Variants in SHTN1 observed in about 807,000 individuals in gnomAD.
The protein encoded by SHTN1 is shootin-1.
A neutral mutation model predicts 83.1 loss-of-function variants in SHTN1; 42 were observed. That is an observed-to-expected ratio of 0.51 (90% CI 0.39 to 0.65). The LOEUF is 0.65. SHTN1 is among the 30% of genes least tolerant of loss of function. The pLI is 0.00. For missense variants in SHTN1, 622 were observed against 737.8 expected, an observed-to-expected ratio of 0.84 and a Z score of 1.82; for synonymous variants, 224 against 247.7, an observed-to-expected ratio of 0.90 and a Z score of 0.90.
intron 2 of SHTN1, among the ~76,000 whole-genome samples, chr10:117,033,893 G>A (rs1000129841): frequency 1.3e-5 from 2 of 150,638 alleles, no homozygotes; most frequent in African/African-American, 4.9e-5. Flanking sequence ...CAATCAATGT[G>A]ATACATCATA....
intron 1 of SHTN1, among the ~76,000 whole-genome samples, chr10:117,051,951 A>G (rs1852747151): frequency 7.0e-6 from 1 of 141,970 alleles, no homozygotes; most frequent in South Asian, 2.2e-4. Flanking sequence ...AAGTCATCCA[A>G]ATTGGAAAGG....
intron 1 of SHTN1, among the ~76,000 whole-genome samples, chr10:117,120,146 T>C (rs550227827): frequency 2.7e-4 from 41 of 151,786 alleles, no homozygotes; most frequent in African/African-American, 9.2e-4. Context: ...TAGTAAATAA[T>C]AAATTGTACA....
intron 1 of SHTN1, among the ~76,000 whole-genome samples, chr10:117,004,492 G>A (rs1248141035): frequency 1.3e-5 from 2 of 151,940 alleles, no homozygotes; most frequent in Non-Finnish European, 2.9e-5. Context: ...CTAAAATTGA[G>A]AAGTGATTAA....
chr10:117,102,577 T>C (rs1853610968), intron 1 of SHTN1, among the ~76,000 whole-genome samples: 1 of 152,058 alleles, frequency 6.6e-6, no homozygotes, highest in African/African-American at 2.4e-5. Flanking sequence ...CTTGCTTTTT[T>C]CCCCTCCAAC....
At chr10:116,982,845 C>T (rs1436978430) in intron 1 of SHTN1, among the ~76,000 whole-genome samples, 1 of 152,082 alleles carries the variant, frequency 6.6e-6, no homozygotes, top group African/African-American at 2.4e-5. Flanking sequence ...GCCTGTAATC[C>T]TAGCTACTCT....
chr10:116,992,598 T>C (rs1368783719), intron 1 of SHTN1, among the ~76,000 whole-genome samples: 1 of 152,188 alleles, frequency 6.6e-6, no homozygotes, highest in Non-Finnish European at 1.5e-5. Flanking sequence ...AAAATTTACA[T>C]TACTTCTCTA....
chr10:116,988,234 T>C (rs926232653), intron 1 of SHTN1, among the ~76,000 whole-genome samples: 19 of 151,764 alleles, frequency 1.3e-4, no homozygotes, highest in Non-Finnish European at 2.4e-4. Context: ...ATGTGAATAT[T>C]CTCTGTATTT....
intron 1 of SHTN1, among the ~76,000 whole-genome samples, chr10:117,117,906 G>A (rs1853871979): frequency 6.6e-6 from 1 of 152,094 alleles, no homozygotes; most frequent in Non-Finnish European, 1.5e-5. Flanking sequence ...ATAGATTAAA[G>A]ACTTAAGTCT....
At chr10:116,981,886 G>A (rs1331553647) in intron 1 of SHTN1, among the ~76,000 whole-genome samples, 5 of 152,008 alleles carry the variant, frequency 3.3e-5, no homozygotes, top group Admixed American at 6.6e-5. Flanking sequence ...GTGAAACACC[G>A]TCTCTACTAA....
intron 5 of SHTN1, among the ~76,000 whole-genome samples, chr10:116,953,623 G>GTTTTTTTTTTT (rs759706275): frequency 1.2e-4 from 11 of 92,722 alleles, no homozygotes; most frequent in East Asian, 7.2e-4. Context: ...TTTGTGTTTT[G>GTTTTTTTTTTT]TTTTTTTTTT....
At chr10:116,915,266 A>G in intron 13 of SHTN1, 109 bp downstream of exon 13, 4 of 681,768 alleles carry the variant, frequency 5.9e-6, no homozygotes, top group South Asian at 5.7e-5. Flanking sequence ...CATTAGCTTT[A>G]TCCTAAGATC....
At chr10:117,119,142 A>T (rs1241974716) in intron 1 of SHTN1, among the ~76,000 whole-genome samples, 1 of 152,198 alleles carries the variant, frequency 6.6e-6, no homozygotes, top group Non-Finnish European at 1.5e-5. Flanking sequence ...TCATGAAGAT[A>T]GTGAGTAGAC....
intron 1 of SHTN1, among the ~76,000 whole-genome samples, chr10:117,097,744 TAAAA>T (rs536018102): frequency 2.0e-5 from 3 of 152,130 alleles, no homozygotes; most frequent in African/African-American, 7.2e-5. Flanking sequence ...ACTACCCAAA[TAAAA>T]AAAGTTTCCA....
At chr10:117,003,231 C>T (rs553237706) in intron 1 of SHTN1, among the ~76,000 whole-genome samples, 2 of 151,442 alleles carry the variant, frequency 1.3e-5, no homozygotes, top group Non-Finnish European at 2.9e-5. Context: ...TTGGGTTGGG[C>T]GAAGGTGTAT....
intron 1 of SHTN1, among the ~76,000 whole-genome samples, chr10:117,003,880 T>G (rs190561280): frequency 4.9e-4 from 75 of 152,150 alleles, no homozygotes; most frequent in Non-Finnish European, 9.1e-4. Context: ...TCCCTTTATT[T>G]CTTTATTATT....
chr10:117,101,747 G>A (rs577954958), intron 1 of SHTN1, among the ~76,000 whole-genome samples: 70 of 152,166 alleles, frequency 4.6e-4, no homozygotes, highest in Middle Eastern at 3.4e-3. Context: ...GTTCCCGAAC[G>A]GTTGATTCAA....
intron 1 of SHTN1, among the ~76,000 whole-genome samples, chr10:117,000,463 A>G (rs1851784202): frequency 6.6e-6 from 1 of 152,212 alleles, no homozygotes; most frequent in Non-Finnish European, 1.5e-5. Flanking sequence ...AAGAGGTTTA[A>G]AATTGCTTTA....
chr10:117,057,116 C>G (rs1473321697), intron 1 of SHTN1, among the ~76,000 whole-genome samples: 1 of 152,104 alleles, frequency 6.6e-6, no homozygotes, highest in Non-Finnish European at 1.5e-5. Context: ...CATAGAAAAT[C>G]TCAAGAAATC....
chr10:116,903,398 G>A (rs745438690), intron 15 of SHTN1, among the ~76,000 whole-genome samples: 4 of 152,076 alleles, frequency 2.6e-5, no homozygotes, highest in South Asian at 4.1e-4. Context: ...GATGGTGGGC[G>A]CCTGTAATCC....
Sources: allele counts gnomAD v4.1 joint callset (sites outside exome capture counted in the v4.1 genomes callset), GRCh38; gene constraint gnomAD v4.1.1; transcripts MANE v1.5; gene names NCBI Gene and HGNC (gene_info 2026-07-23, HGNC 2026-07-21).